The following VPS13A variants were observed in gnomAD, a reference collection of about 807,000 sequenced individuals.
The protein encoded by VPS13A is vacuolar protein sorting 13 homolog A.
VPS13A carries 264 observed loss-of-function variants against 390.9 expected under a neutral mutation model. The ratio of observed to expected loss-of-function variants is 0.68; its 90% CI spans 0.61 to 0.75. The LOEUF (loss-of-function observed/expected upper bound fraction) is 0.75, where lower values mean the gene tolerates loss of function less well. VPS13A is among the 30% of genes least tolerant of loss of function. VPS13A has a pLI of 0.00. For missense variants in VPS13A, 3,409 were observed against 3,733.9 expected (o/e 0.91, Z 2.27); for synonymous variants, 1,231 against 1,227.1 (o/e 1.00, Z -0.07).
At position 77,283,633 on chromosome 9, in the gene VPS13A, A is replaced by G. The variant is rs751155999; in HGVS notation, c.3322A>G (p.Thr1108Ala). 2.5e-6 allele frequency: 4 copies of G among 1,606,532 alleles called. No individual in the cohort carries two copies. The Admixed American group carries it at 5.0e-5, about 20-fold the overall frequency. The stretch of plus-strand genomic sequence containing the variant: ...TATAATTGTTTTAGATTCTGATATA[A>G]CAGCTATATACAAAAAGGTAAGAAT... ...RNIIVLDSDI[T>A]AIYKKAVYIT... Residue 1108 changes from threonine to alanine, a missense_variant, in exon 31 of 72, where the codon ACA becomes GCA. This residue lies in a region of VPS13A where 2,717 missense variants were observed against 2,917.4 expected (regional missense o/e 0.93). Coordinates refer to ENST00000360280, the MANE Select transcript of VPS13A (RefSeq NM_033305.3).
intron 1 of VPS13A, among the ~76,000 whole-genome samples, chr9:77,186,282 TTGC>T (rs563478608): frequency 6.6e-6 from 1 of 152,210 alleles, no homozygotes; most frequent in Non-Finnish European, 1.5e-5. Flanking sequence ...ATCCAATGCA[TTGC>T]TGCTATTAGT....
Position 77,370,955 on chromosome 9 carries a change from T to C in VPS13A, c.8953+20T>C, listed in dbSNP as rs1563968093. 6.2e-7 allele frequency: 1 copy of C among 1,614,172 alleles called. No individual in the cohort carries two copies. The highest frequency in any genetic ancestry group is 8.5e-7 in the Non-Finnish European group (1 of 1,180,006). On this transcript the variant is annotated intron_variant, in intron 66 of 71. Transcript: ENST00000360280. The stretch of plus-strand genomic sequence containing the variant: ...TCAAAGGCAAGTATAGTAGTTCCTT[T>C]GCAAGTCTTTCTAAGTTGATTCTGT...
chr9:77,259,271 C>T (rs749210289), intron 22 of VPS13A, among the ~76,000 whole-genome samples: 67 of 152,050 alleles, frequency 4.4e-4, no homozygotes, highest in African/African-American at 1.2e-3. Context: ...CTTTAGACTG[C>T]GCAACTTGCA....
At chr9:77,289,872 C>T (rs1464811275) in intron 31 of VPS13A, among the ~76,000 whole-genome samples, 2 of 151,758 alleles carry the variant, frequency 1.3e-5, no homozygotes, top group East Asian at 3.9e-4. Context: ...CCTCTGCCTC[C>T]GGGGTTCAAG....
Position 77,252,952 on chromosome 9 carries a change from T to TA in VPS13A, c.2288+601dup, listed in dbSNP as rs556038461. On this transcript the variant is annotated intron_variant, in intron 22 of 71. Transcript: ENST00000360280. ...TTGTAATAATGCTGCTGTGTACAAA[T>TA]ATCTGCTTAAGTCCCTGATTTCAGT... Among the ~76,000 whole-genome samples, 100 of 152,364 alleles carry TA rather than the reference T, an allele frequency of 6.6e-4. 3 individuals carry two copies. In the Middle Eastern group the frequency reaches 0.048, roughly 73 times the overall value.
chr9:77,238,744 C>T (rs1299090240), intron 19 of VPS13A, among the ~76,000 whole-genome samples: 1 of 152,090 alleles, frequency 6.6e-6, no homozygotes, highest in Non-Finnish European at 1.5e-5. Flanking sequence ...TTTTTATTCT[C>T]TAGGAGAGTT....
intron 34 of VPS13A, among the ~76,000 whole-genome samples, chr9:77,304,119 C>T (rs1347972053): frequency 1.3e-5 from 2 of 152,146 alleles, no homozygotes; most frequent in Non-Finnish European, 2.9e-5. Context: ...GAGGTCCCTG[C>T]GGCTTTCCAC....
intron 34 of VPS13A, 94 bp downstream of exon 34, chr9:77,303,156 A>T: frequency 7.8e-7 from 1 of 1,287,644 alleles, no homozygotes; most frequent in Non-Finnish European, 1.1e-6. Context: ...ATTTGTATAT[A>T]CATAATCACC....
chr9:77,383,963 T>C (rs1563980349), intron 68 of VPS13A, among the ~76,000 whole-genome samples: 1 of 138,924 alleles, frequency 7.2e-6, no homozygotes, highest in African/African-American at 2.5e-5. Context: ...GTGGTGGGTT[T>C]TGTTTTTTTT....
chr9:77,228,111 A>C lies in VPS13A; in HGVS notation c.1453-11A>C. On this transcript the variant is annotated splice_polypyrimidine_tract_variant and intron_variant, in intron 16 of 71. Coordinates refer to ENST00000360280, the MANE Select transcript of VPS13A (RefSeq NM_033305.3). ...ATATGTTTTCATTTTATTCTTCTGA[A>C]TATACCTTAGTTTGAAGCCTTGAAG... 6.4e-7 allele frequency: 1 copy of C among 1,572,160 alleles called. No individual in the cohort carries two copies. Among genetic ancestry groups the C allele is most frequent in the Non-Finnish European group, 8.7e-7 (1 of 1,150,640 alleles).
chr9:77,333,103 A>T (rs1248238065), intron 46 of VPS13A, among the ~76,000 whole-genome samples: 1 of 152,228 alleles, frequency 6.6e-6, no homozygotes, highest in Non-Finnish European at 1.5e-5. Flanking sequence ...GGGGTGGGTT[A>T]CAAGACTAGA....
rs753686754 is a variant in VPS13A at position 77,318,331 on chromosome 9, C to T, written c.5053C>T (p.His1685Tyr). 3 of 1,612,890 alleles carry T rather than the reference C, an allele frequency of 1.9e-6. No homozygotes were observed. In the African/African-American group the frequency reaches 4.0e-5, roughly 22 times the overall value. Residue 1685 changes from histidine to tyrosine, a missense_variant, in exon 41 of 72, where the codon CAT (histidine) becomes TAT (tyrosine). By Grantham distance (83) the His-to-Tyr change is moderately conservative (BLOSUM62 2). Transcript: ENST00000360280. ...IPEETASSTA[H>Y]LWEKKDTKTL... Reference sequence around the variant, plus strand: ...AGAAGAAACGGCTTCTTCTACTGCACATTTATGGGAAAAGAAGGATACAAA... The same window carrying T: ...AGAAGAAACGGCTTCTTCTACTGCATATTTATGGGAAAAGAAGGATACAAA...
At chr9:77,303,107 A>G (rs1355256357) in intron 34 of VPS13A, 45 bp downstream of exon 34, 1 of 1,606,704 alleles carries the variant, frequency 6.2e-7, no homozygotes, top group Admixed American at 1.7e-5. Context: ...TGCTTGTTGA[A>G]AAATACTGCT....
chr9:77,185,827 C>T (rs565483717), intron 1 of VPS13A, among the ~76,000 whole-genome samples: 2 of 152,284 alleles, frequency 1.3e-5, no homozygotes, highest in South Asian at 2.1e-4. Context: ...TCCAAGTCCA[C>T]GTCCAAATAA....
At chr9:77,309,148 A>T (rs1828926587) in intron 35 of VPS13A, among the ~76,000 whole-genome samples, 1 of 152,194 alleles carries the variant, frequency 6.6e-6, no homozygotes, top group East Asian at 1.9e-4. Context: ...TCCCACCACC[A>T]CCAGCTCACC....
chr9:77,360,582 G>A lies in VPS13A; in HGVS notation c.8152G>A (p.Gly2718Arg), dbSNP rs752159879. 2.5e-6 allele frequency: 4 copies of A among 1,613,038 alleles called. No individual in the cohort carries two copies. Among genetic ancestry groups the A allele is most frequent in the Middle Eastern group, 1.7e-4 (1 of 6,050 alleles). The change falls in exon 59 of 72, where the codon GGG (glycine) becomes AGG (arginine). Residue 2718 changes from glycine to arginine, a missense_variant. Physicochemically the swap from Gly to Arg is moderately radical, Grantham distance 125 (BLOSUM62 -2). Around this residue, in one of 5 missense-constraint regions of VPS13A, gnomAD observed 221 missense variants for 300.7 expected, o/e 0.73. Coordinates refer to ENST00000360280, the MANE Select transcript of VPS13A (RefSeq NM_033305.3). ...IQEMDLRLDL[G>R]FIYALTDLMT... ...AGAAATGGATCTCAGGTTAGATCTT[G>A]GGTTTATCTATGCTTTAACAGACCT...
intron 48 of VPS13A, 76 bp from the exon 49 acceptor site, chr9:77,340,102 A>G (rs1391020552): frequency 6.9e-7 from 1 of 1,445,242 alleles, no homozygotes; most frequent in African/African-American, 1.4e-5. Flanking sequence ...TTTATGCTAA[A>G]AAGTAATTTA....
intron 10 of VPS13A, among the ~76,000 whole-genome samples, chr9:77,218,644 CTTTT>C (rs200685101): frequency 1.5e-5 from 2 of 132,116 alleles, no homozygotes; most frequent in African/African-American, 5.6e-5. Flanking sequence ...AGAACATTGC[CTTTT>C]TTTTTTTTTT....
chr9:77,414,058 A>G (rs1226961413), intron 71 of VPS13A, among the ~76,000 whole-genome samples: 1 of 152,238 alleles, frequency 6.6e-6, no homozygotes, highest in Non-Finnish European at 1.5e-5. Context: ...CACACCAGTT[A>G]GAATGGTGAT....
Sources: allele counts gnomAD v4.1 joint callset (sites outside exome capture counted in the v4.1 genomes callset), GRCh38; gene constraint gnomAD v4.1.1; regional missense constraint gnomAD v4.1.1; transcripts MANE v1.5; gene names NCBI Gene and HGNC (gene_info 2026-07-23, HGNC 2026-07-21).